The following AKR1D1 variants were observed in gnomAD, a reference collection of about 807,000 sequenced individuals.
AKR1D1 encodes aldo-keto reductase family 1 member D1, also known as delta(4)-3-ketosteroid 5-beta-reductase.
In AKR1D1, 32 loss-of-function variants were observed where a neutral mutation model predicts 42.6. The ratio of observed to expected loss-of-function variants is 0.75; its 90% confidence interval spans 0.57 to 1.01. AKR1D1 has a LOEUF of 1.01. AKR1D1 is among the 50% of genes least tolerant of loss of function. AKR1D1 has a pLI of 0.00. For missense variants in AKR1D1, 364 were observed against 402.2 expected (o/e 0.91, Z 0.81); for synonymous variants, 123 against 135.5 (o/e 0.91, Z 0.64).
chr7:138,098,680 T>TAA (rs1372394302), intron 4 of AKR1D1, among the ~76,000 whole-genome samples: 1 of 152,132 alleles, frequency 6.6e-6, no homozygotes, highest in Admixed American at 6.6e-5. Flanking sequence ...TGCTGGCTCT[T>TAA]TTCCCAAGAT....
chr7:138,114,699 G>A (rs1234580563), intron 8 of AKR1D1, among the ~76,000 whole-genome samples: 1 of 146,884 alleles, frequency 6.8e-6, no homozygotes, highest in Admixed American at 6.8e-5. Flanking sequence ...TGCTATATAT[G>A]TGTGTATAGA....
intron 1 of AKR1D1, among the ~76,000 whole-genome samples, chr7:138,085,928 A>G (rs1292202995): frequency 2.0e-5 from 3 of 151,760 alleles, no homozygotes; most frequent in Non-Finnish European, 4.4e-5. Context: ...GATTCTATTT[A>G]CCATCTAGTA....
At chr7:138,105,190 T>C (rs1313590778) in intron 4 of AKR1D1, 117 bp from the exon 5 acceptor site, 3 of 1,427,454 alleles carry the variant, frequency 2.1e-6, no homozygotes, top group East Asian at 4.6e-5. Context: ...TTTCGCAAGA[T>C]GCTTATTAAC....
intron 7 of AKR1D1, among the ~76,000 whole-genome samples, chr7:138,110,911 G>C (rs1361997730): frequency 6.6e-6 from 1 of 151,864 alleles, no homozygotes; most frequent in Non-Finnish European, 1.5e-5. Flanking sequence ...TCATCCACTG[G>C]CCTCCATTCT....
chr7:138,109,280 T>C (rs1794492190), intron 7 of AKR1D1, among the ~76,000 whole-genome samples: 1 of 152,224 alleles, frequency 6.6e-6, no homozygotes, highest in Non-Finnish European at 1.5e-5. Context: ...CTTGCATAAC[T>C]GGAAAGTCCA....
At chr7:138,105,160 A>AC (rs1794394723) in intron 4 of AKR1D1, 147 bp from the exon 5 acceptor site, 2 of 1,067,072 alleles carry the variant, frequency 1.9e-6, no homozygotes, top group Non-Finnish European at 2.8e-6. Flanking sequence ...GCCTTTTCCC[A>AC]CCATCCTTCT....
intron 2 of AKR1D1, chr7:138,091,349 C>T (rs532858857): frequency 1.2e-5 from 3 of 253,530 alleles, no homozygotes; most frequent in East Asian, 1.0e-4. Flanking sequence ...TGGAAGAGGA[C>T]GGCTTTCCCT....
intron 1 of AKR1D1, 23 bp downstream of exon 1, chr7:138,076,634 T>C: frequency 6.4e-7 from 1 of 1,574,626 alleles, no homozygotes; most frequent in Non-Finnish European, 8.7e-7. Context: ...TTTCTCTCTT[T>C]GCTTGCTTGT....
chr7:138,088,841 C>CGTGT lies in AKR1D1; in HGVS notation c.261+86_261+89dup, dbSNP rs35802315. Reference sequence around the variant, plus strand: ...GTTGTTCATTTTATTATTCATCTTCCGTGTGTGTGTGTGTGTAATTGCACT... The same window carrying CGTGT: ...GTTGTTCATTTTATTATTCATCTTCCGTGTGTGTGTGTGTGTGTGTAATTGCACT... On this transcript the variant is annotated intron_variant, in intron 2 of 8. Coordinates refer to ENST00000242375, the MANE Select transcript of AKR1D1 (RefSeq NM_005989.4). 0.48 allele frequency: 586,141 copies of CGTGT among 1,224,482 alleles called. 99,003 individuals carry two copies. Among genetic ancestry groups the CGTGT allele is most frequent in the African/African-American group, 0.63 (40,920 of 65,158 alleles). 75.9% of individuals were successfully genotyped at this position (1,224,482 alleles called of 1,614,324 possible). A position where few individuals can be genotyped will look rare whatever the true frequency, so the allele number is the denominator to read the frequency against.
chr7:138,108,703 T>G (rs2117466711), intron 7 of AKR1D1, among the ~76,000 whole-genome samples: 1 of 152,234 alleles, frequency 6.6e-6, no homozygotes, highest in African/African-American at 2.4e-5. Context: ...GTGATTACAG[T>G]TAGAAGGAAC....
At chr7:138,082,113 G>A (rs991164294) in intron 1 of AKR1D1, among the ~76,000 whole-genome samples, 9 of 152,146 alleles carry the variant, frequency 5.9e-5, no homozygotes, top group Non-Finnish European at 1.3e-4. Flanking sequence ...ACATTAACCT[G>A]GAGGAGCAGT....
At chr7:138,088,485 T>G in intron 1 of AKR1D1, 116 bp from the exon 2 acceptor site, 1 of 1,236,966 alleles carries the variant, frequency 8.1e-7, no homozygotes, top group Non-Finnish European at 1.2e-6. Flanking sequence ...CAGCAAGGAA[T>G]TGGGAATGTG....
At position 138,107,599 on chromosome 7, in the gene AKR1D1, G is replaced by A. The variant is rs1029095623; in HGVS notation, c.855+19G>A. 1.9e-6 allele frequency: 3 copies of A among 1,612,660 alleles called. No homozygotes were observed. Among genetic ancestry groups the A allele is most frequent in the Middle Eastern group, 2.0e-4 (1 of 5,118 alleles). ...TTTTCAGGTAAGAGAATTGCTTTTG[G>A]AGATGTGAAAAGATGGGTATGTTTG... On this transcript the variant is annotated intron_variant, in intron 7 of 8. Coordinates refer to ENST00000242375, the MANE Select transcript of AKR1D1 (RefSeq NM_005989.4).
At chr7:138,093,498 G>A (rs888511530) in intron 3 of AKR1D1, among the ~76,000 whole-genome samples, 2 of 151,656 alleles carry the variant, frequency 1.3e-5, no homozygotes, top group Non-Finnish European at 2.9e-5. Context: ...CATTAGTCTA[G>A]GCCTACACAG....
intron 2 of AKR1D1, among the ~76,000 whole-genome samples, chr7:138,090,200 T>G (rs558789012): frequency 6.1e-4 from 93 of 152,214 alleles, no homozygotes; most frequent in African/African-American, 2.2e-3. Context: ...AGAGTAGCAA[T>G]CAAAACACAC....
chr7:138,092,471 A>G (rs1056950286), intron 3 of AKR1D1, among the ~76,000 whole-genome samples: 22 of 152,384 alleles, frequency 1.4e-4, no homozygotes, highest in African/African-American at 5.3e-4. Context: ...GAAATGTGTC[A>G]TGAGGTGACT....
At chr7:138,113,059 G>A (rs1448533533) in intron 7 of AKR1D1, among the ~76,000 whole-genome samples, 2 of 152,196 alleles carry the variant, frequency 1.3e-5, no homozygotes, top group Non-Finnish European at 2.9e-5. Flanking sequence ...GCTCATGCCT[G>A]TAATTGCAGC....
chr7:138,110,304 A>T (rs1375469866), intron 7 of AKR1D1, among the ~76,000 whole-genome samples: 1 of 152,242 alleles, frequency 6.6e-6, no homozygotes, highest in Non-Finnish European at 1.5e-5. Context: ...AAAACTATGT[A>T]GTAAAAAGTT....
intron 3 of AKR1D1, among the ~76,000 whole-genome samples, chr7:138,092,476 G>T (rs1794103186): frequency 6.6e-6 from 1 of 152,216 alleles, no homozygotes; most frequent in South Asian, 2.1e-4. Context: ...GTGTCATGAG[G>T]TGACTTTGTT....
Sources: gnomAD v4.1 joint callset for allele counts (sites outside exome capture counted in the v4.1 genomes callset) on GRCh38, gnomAD v4.1.1 for gene constraint, MANE v1.5 for transcripts, NCBI Gene and HGNC (gene_info 2026-07-23, HGNC 2026-07-21) for gene names.